RFTN2: variants seen among roughly 807,000 people sequenced by gnomAD.
RFTN2 encodes the protein raftlin family member 2, also known as raftlin-2.
In RFTN2, 34 loss-of-function variants were observed where a neutral mutation model predicts 52.7. That is an observed-to-expected ratio of 0.64 (90% CI 0.49 to 0.86). The LOEUF is 0.86. Ranked by LOEUF, RFTN2 falls within the 40% of genes least tolerant of loss-of-function variation. The pLI, the probability that RFTN2 is intolerant of heterozygous loss-of-function variation, is 0.00. For missense variants in RFTN2, 536 were observed against 600.1 expected, an observed-to-expected ratio of 0.89 and a Z score of 1.12; for synonymous variants, 203 against 217.7, an observed-to-expected ratio of 0.93 and a Z score of 0.59.
At chr2:197,599,514 G>A (rs1438092494) in intron 7 of RFTN2, among the ~76,000 whole-genome samples, 1 of 152,172 alleles carries the variant, frequency 6.6e-6, no homozygotes, top group Non-Finnish European at 1.5e-5. Context: ...GAAGGAGAAA[G>A]AGGAAGGAGG....
chr2:197,586,341 C>A (rs1055682676), intron 8 of RFTN2, among the ~76,000 whole-genome samples: 6 of 152,302 alleles, frequency 3.9e-5, no homozygotes, highest in Middle Eastern at 3.4e-3. Flanking sequence ...CCCATTAAAA[C>A]CTCTGACAGC....
intron 1 of RFTN2, among the ~76,000 whole-genome samples, chr2:197,665,260 A>G (rs796537660): frequency 6.6e-6 from 1 of 152,326 alleles, no homozygotes; most frequent in African/African-American, 2.4e-5. Flanking sequence ...ATGTAAAACT[A>G]AAACTGCTCA....
At chr2:197,647,759 G>A (rs184724206) in intron 1 of RFTN2, among the ~76,000 whole-genome samples, 105 of 152,218 alleles carry the variant, frequency 6.9e-4, no homozygotes, top group Non-Finnish European at 1.2e-3. Flanking sequence ...AATTCTAAAC[G>A]TAGTGGAAAT....
chr2:197,583,403 G>A (rs2087542388), intron 8 of RFTN2, among the ~76,000 whole-genome samples: 1 of 152,186 alleles, frequency 6.6e-6, no homozygotes, highest in Admixed American at 6.5e-5. Flanking sequence ...TCTGTCAGAT[G>A]TAATTCCTCA....
In RFTN2 at chr2:197,675,529, A is replaced by C; in HGVS notation, c.-71T>G. On this transcript the variant is annotated 5_prime_UTR_variant, in exon 1 of 9. Transcript: ENST00000295049. ...CAGCAAATTCTGTTGTTTAAGCTGCAAAAAGAAAGTTACAGACTTAACTGC... is the reference window on the plus strand; with the variant it reads ...CAGCAAATTCTGTTGTTTAAGCTGCCAAAAGAAAGTTACAGACTTAACTGC... 4.4e-6 allele frequency: 5 copies of C among 1,134,032 alleles called. No individual in the cohort carries two copies. Among genetic ancestry groups the C allele is most frequent in the Non-Finnish European group, 1.2e-6 (1 of 851,472 alleles). The allele number at this position is 1,134,032 out of a possible 1,614,324, so 70.2% of individuals were successfully genotyped here.
At position 197,644,242 on chromosome 2, in the gene RFTN2, T is replaced by C; in HGVS notation, c.354A>G (p.Gln118=). The C allele has an allele frequency of 6.2e-7, 1 of 1,612,164 alleles. No homozygotes were observed. Among genetic ancestry groups the C allele is most frequent in the Non-Finnish European group, 8.5e-7 (1 of 1,178,216 alleles). ...CCTCAATCACGAGCCTTGGGCGTCTTTGTCCACTGGGTGCTGCCGAATTCT... is the reference window on the plus strand; with the variant it reads ...CCTCAATCACGAGCCTTGGGCGTCTCTGTCCACTGGGTGCTGCCGAATTCT... ...SPKNSAAPSG[Q]RRPRLVIEEC... Residue 118 remains glutamine (Q), a synonymous_variant, in exon 3 of 9, where the codon CAA becomes CAG. Coordinates refer to ENST00000295049, the MANE Select transcript of RFTN2 (RefSeq NM_144629.3).
At chr2:197,657,170 C>A (rs1363253789) in intron 1 of RFTN2, among the ~76,000 whole-genome samples, 10 of 152,074 alleles carry the variant, frequency 6.6e-5, no homozygotes. Flanking sequence ...GGCCAAGCAT[C>A]TTCTAATTTT....
intron 1 of RFTN2, among the ~76,000 whole-genome samples, chr2:197,671,296 TTTCTGTTTAAGCCACTTTC>T (rs2089144166): frequency 6.6e-6 from 1 of 152,228 alleles, no homozygotes; most frequent in African/African-American, 2.4e-5. Flanking sequence ...TCTTAATCTT[TTTCTGTTTAAGCCACTTTC>T]TTCAAGGGTC....
At chr2:197,598,053 G>T (rs940113168) in intron 7 of RFTN2, among the ~76,000 whole-genome samples, 2 of 152,194 alleles carry the variant, frequency 1.3e-5, no homozygotes, top group Non-Finnish European at 2.9e-5. Context: ...GGTGGTTCAT[G>T]CCTGTAATCC....
chr2:197,616,268 C>CATTTTATTTATTTTTTTTTTTTATTTT (rs372876451), intron 6 of RFTN2, among the ~76,000 whole-genome samples: 1 of 60,768 alleles, frequency 1.6e-5, no homozygotes, highest in Non-Finnish European at 3.3e-5. Flanking sequence ...TGGGAATCTG[C>CATTTTATTTATTTTTTTTTTTTATTTT]ATTTTATTTT....
chr2:197,607,475 T>TATAATAATA (rs67699316), intron 7 of RFTN2, among the ~76,000 whole-genome samples: 5,758 of 147,506 alleles, frequency 0.039, 192 homozygotes, highest in African/African-American at 0.091. Flanking sequence ...AAACTTGAAG[T>TATAATAATA]ATAATAATAA....
Position 197,646,625 on chromosome 2 carries a change from C to T in RFTN2, c.181G>A (p.Asp61Asn). Residue 61 changes from aspartate to asparagine, a missense_variant, in exon 2 of 9, where the codon GAT becomes AAT. Transcript: ENST00000295049. ...PEVIKINSIL[D>N]IVTKVENYYL... is the part of the protein sequence containing the mutation. Reference sequence around the variant, plus strand: ...TAGTTTTCCACTTTTGTTACTATATCCAGAATTGAATTTATCTTGATGACT... The same window carrying T: ...TAGTTTTCCACTTTTGTTACTATATTCAGAATTGAATTTATCTTGATGACT... 1 of 1,613,140 alleles carries T rather than the reference C, an allele frequency of 6.2e-7. No homozygotes were observed. Among genetic ancestry groups the T allele is most frequent in the Non-Finnish European group, 8.5e-7 (1 of 1,179,208 alleles).
At chr2:197,603,793 G>T (rs1405298155) in intron 7 of RFTN2, among the ~76,000 whole-genome samples, 2 of 152,182 alleles carry the variant, frequency 1.3e-5, no homozygotes, top group South Asian at 2.1e-4. Flanking sequence ...CAGGCATGGT[G>T]GTGGGTGCCT....
At chr2:197,618,884 G>A (rs1458059162) in intron 5 of RFTN2, among the ~76,000 whole-genome samples, 1 of 149,800 alleles carries the variant, frequency 6.7e-6, no homozygotes, top group African/African-American at 2.5e-5. Flanking sequence ...GAGCCCCTCC[G>A]CCCAGCAGCC....
intron 7 of RFTN2, among the ~76,000 whole-genome samples, chr2:197,605,504 C>T (rs563146306): frequency 2.6e-4 from 40 of 152,138 alleles, no homozygotes; most frequent in Middle Eastern, 3.4e-3. Context: ...CGTGAGCCAC[C>T]GCGCCTGGCC....
At chr2:197,651,518 C>T (rs1259667281) in intron 1 of RFTN2, among the ~76,000 whole-genome samples, 1 of 152,100 alleles carries the variant, frequency 6.6e-6, no homozygotes, top group Admixed American at 6.5e-5. Flanking sequence ...ACTTGGGAGG[C>T]TGAGGCAGGA....
At chr2:197,616,134 A>T (rs1170817591) in intron 6 of RFTN2, among the ~76,000 whole-genome samples, 155 bp from the exon 7 acceptor site, 1 of 152,192 alleles carries the variant, frequency 6.6e-6, no homozygotes, top group African/African-American at 2.4e-5. Context: ...CCTTCTGATA[A>T]TTGAACCAAG....
At chr2:197,575,760 ATATATATAATATATATTC>A (rs1269898766) in intron 8 of RFTN2, among the ~76,000 whole-genome samples, 2 of 143,506 alleles carry the variant, frequency 1.4e-5, no homozygotes, top group African/African-American at 5.1e-5. Flanking sequence ...TATATTTTTT[ATATATATAATATATATTC>A]TATATATAAT....
intron 3 of RFTN2, among the ~76,000 whole-genome samples, chr2:197,639,999 G>C (rs185711810): frequency 4.2e-4 from 64 of 152,230 alleles, no homozygotes; most frequent in African/African-American, 1.0e-3. Context: ...ATACCCTGCC[G>C]TGTGAGATGT....
Sources: gnomAD v4.1 joint callset for allele counts (sites outside exome capture counted in the v4.1 genomes callset) on GRCh38, gnomAD v4.1.1 for gene constraint, MANE v1.5 for transcripts, NCBI Gene and HGNC (gene_info 2026-07-23, HGNC 2026-07-21) for gene names.